The following TG variants were observed in gnomAD, a reference collection of about 807,000 sequenced individuals.
TG encodes thyroid hormones.
TG carries 270 observed loss-of-function variants against 324.7 expected under a neutral mutation model. The ratio of observed to expected loss-of-function variants is 0.83; its 90% CI spans 0.75 to 0.92. The LOEUF (loss-of-function observed/expected upper bound fraction) is 0.92, where lower values mean the gene tolerates loss of function less well. Ranked by LOEUF, TG falls within the 40% of genes least tolerant of loss-of-function variation. The pLI is 0.00. For missense variants in TG, 3,591 were observed against 3,456.4 expected (o/e 1.04, Z -0.98); for synonymous variants, 1,401 against 1,327.0 (o/e 1.06, Z -1.21).
rs1835380126 is a variant in TG at position 133,019,684 on chromosome 8, C to T, written c.6865C>T (p.Pro2289Ser). Residue 2289 changes from proline to serine, a missense_variant, in exon 39 of 48, where the codon CCT (proline) becomes TCT (serine). Coordinates refer to ENST00000220616, the MANE Select transcript of TG (RefSeq NM_003235.5). ...TTGTTTGTATCTCAATGTGTTCATC[C>T]CTCAGAATGTGGTGAGTTCAAAAGC... ...EDCLYLNVFI[P>S]QNVAPNASVL... The T allele has an allele frequency of 1.2e-6, 2 of 1,612,846 alleles. No individual in the cohort carries two copies. Among genetic ancestry groups the T allele is most frequent in the Non-Finnish European group, 8.5e-7 (1 of 1,179,314 alleles).
intron 41 of TG, chr8:133,089,850 T>C (rs1366135596): frequency 6.6e-6 from 1 of 152,168 alleles, no homozygotes; most frequent in Non-Finnish European, 1.5e-5. Context: ...ACCCACCCTG[T>C]TCCTCCCATT....
At chr8:133,115,041 C>T (rs1850563160) in intron 44 of TG, among the ~76,000 whole-genome samples, 1 of 152,190 alleles carries the variant, frequency 6.6e-6, no homozygotes, top group African/African-American at 2.4e-5. Flanking sequence ...CTCAGATGTC[C>T]AGTCCCTGAC....
At chr8:132,961,418 A>G (rs937174947) in intron 28 of TG, among the ~76,000 whole-genome samples, 1 of 152,136 alleles carries the variant, frequency 6.6e-6, no homozygotes, top group African/African-American at 2.4e-5. Flanking sequence ...ACTCAGCCCC[A>G]TGTGCCTTTC....
intron 37 of TG, among the ~76,000 whole-genome samples, chr8:133,016,470 A>G (rs1176186809): frequency 1.3e-5 from 2 of 152,228 alleles, no homozygotes; most frequent in Admixed American, 6.5e-5. Context: ...GAGAACCTCT[A>G]TATGATACAA....
Position 132,932,124 on chromosome 8 carries a change from T to TGG in TG, c.4817-1430_4817-1429dup, listed in dbSNP as rs369218847. Reference sequence around the variant, plus strand: ...ATATTTTAAAACAGAATTATTTTTTTGGGGGGGGTGTTCTGAATAAGCCAC... The same window carrying TGG: ...ATATTTTAAAACAGAATTATTTTTTTGGGGGGGGGGTGTTCTGAATAAGCCAC... On this transcript the variant is annotated intron_variant, in intron 23 of 47. Transcript: ENST00000220616. Among the ~76,000 whole-genome samples the TGG allele has an allele frequency of 3.2e-3, 489 of 150,696 alleles. 4 individuals are homozygous for TGG. The highest frequency in any genetic ancestry group is 0.011 in the African/African-American group (460 of 41,052).
Position 133,113,624 on chromosome 8 carries a change from G to T in TG, c.7754+21G>T, listed in dbSNP as rs762097135. 19 of 1,611,758 alleles carry T rather than the reference G, an allele frequency of 1.2e-5. No homozygotes were observed. The East Asian group carries it at 1.8e-4, about 15-fold the overall frequency. ...ACCCGGTAAGCTAAGCTGCAGGAGG[G>T]TGCAGATTCCTACTGCTATGTTTTG... On this transcript the variant is annotated intron_variant, in intron 44 of 47. Transcript: ENST00000220616.
At chr8:133,109,678 T>C (rs1403432762) in intron 43 of TG, among the ~76,000 whole-genome samples, 1 of 152,106 alleles carries the variant, frequency 6.6e-6, no homozygotes, top group Admixed American at 6.5e-5. Context: ...TCAGGATGGT[T>C]ATGGGAGCAA....
intron 22 of TG, 38 bp downstream of exon 22, chr8:132,923,546 G>C (rs373533845): frequency 6.2e-7 from 1 of 1,602,890 alleles, no homozygotes; most frequent in African/African-American, 1.3e-5. Flanking sequence ...GGTTCCTGGG[G>C]ACTGGGGAGT....
chr8:132,885,206 A>G (rs138229013), intron 8 of TG, among the ~76,000 whole-genome samples: 166 of 152,120 alleles, frequency 1.1e-3, no homozygotes, highest in African/African-American at 3.8e-3. Context: ...ACATCCACCT[A>G]TGTAACTGAG....
At chr8:132,998,438 G>C (rs1470572809) in intron 35 of TG, among the ~76,000 whole-genome samples, 2 of 152,224 alleles carry the variant, frequency 1.3e-5, no homozygotes, top group East Asian at 3.9e-4. Context: ...AGTGTGTTCA[G>C]CTGTGGCCAT....
chr8:132,985,701 C>G (rs1273444665), intron 35 of TG, among the ~76,000 whole-genome samples: 5 of 152,130 alleles, frequency 3.3e-5, no homozygotes, highest in Admixed American at 3.3e-4. Context: ...TCTGCAGCAC[C>G]TGCTTCCTGC....
At chr8:133,094,012 C>G (rs947782152) in intron 41 of TG, among the ~76,000 whole-genome samples, 2 of 152,174 alleles carry the variant, frequency 1.3e-5, no homozygotes, top group African/African-American at 4.8e-5. Context: ...GTATCACCAC[C>G]ACTGCCTCCC....
intron 41 of TG, among the ~76,000 whole-genome samples, chr8:133,054,794 G>A (rs570120087): frequency 1.6e-4 from 25 of 152,282 alleles, no homozygotes; most frequent in East Asian, 9.6e-4. Context: ...AATAGGAAAC[G>A]AATCCACAAA....
chr8:132,995,813 T>C (rs1344239263), intron 35 of TG, among the ~76,000 whole-genome samples: 3 of 152,154 alleles, frequency 2.0e-5, no homozygotes, highest in African/African-American at 7.2e-5. Flanking sequence ...GGAATATAGA[T>C]CCAAGTCTGG....
In TG at chr8:132,913,105, C is replaced by T. The variant is rs1819766359; in HGVS notation, c.4218C>T (p.Gly1406=). The T allele has an allele frequency of 6.2e-7, 1 of 1,614,210 alleles. No individual in the cohort carries two copies. Residue 1406 remains glycine (G), a synonymous_variant, in exon 20 of 48, where the codon GGC becomes GGT. Coordinates refer to ENST00000220616, the MANE Select transcript of TG (RefSeq NM_003235.5). ...GCTTCACAGATCTGATCCAGAGTGG[C>T]TCATTCCAGCTTCATCTGGACTCCA... ...LGRFTDLIQS[G]SFQLHLDSKT... is the part of the protein sequence containing the mutation.
intron 14 of TG, 47 bp downstream of exon 14, chr8:132,898,957 G>A (rs1438350383): frequency 1.3e-6 from 2 of 1,483,640 alleles, no homozygotes; most frequent in East Asian, 4.7e-5. Flanking sequence ...TGTCCCCGCT[G>A]GTCAGAGATG....
intron 25 of TG, among the ~76,000 whole-genome samples, chr8:132,936,579 C>T (rs969866397): frequency 3.3e-5 from 5 of 152,214 alleles, no homozygotes; most frequent in African/African-American, 1.2e-4. Context: ...ATTTCACACT[C>T]ATGGAAACTC....
intron 8 of TG, chr8:132,883,387 G>C (rs563222726): frequency 4.1e-6 from 1 of 245,110 alleles, no homozygotes; most frequent in East Asian, 1.0e-4. Flanking sequence ...GGCCATACTT[G>C]ATCAGAATCT....
chr8:132,983,348 A>C lies in TG; in HGVS notation c.6200-2A>C, dbSNP rs1587678050. ...ACTGAAAGACTGCTTTTTCCTTTTCAGTTGCTCAAAATAATGCTCCCAGTT... is the reference window on the plus strand; with the variant it reads ...ACTGAAAGACTGCTTTTTCCTTTTCCGTTGCTCAAAATAATGCTCCCAGTT... On this transcript the variant is annotated splice_acceptor_variant, in intron 34 of 47. Transcript: ENST00000220616. LOFTEE classifies it high-confidence loss of function. 1.2e-6 allele frequency: 2 copies of C among 1,614,090 alleles called. No individual in the cohort carries two copies. Among genetic ancestry groups the C allele is most frequent in the Non-Finnish European group, 1.7e-6 (2 of 1,179,982 alleles).
Sources: allele counts gnomAD v4.1 joint callset (sites outside exome capture counted in the v4.1 genomes callset), GRCh38; gene constraint gnomAD v4.1.1; transcripts MANE v1.5; gene names NCBI Gene and HGNC (gene_info 2026-07-23, HGNC 2026-07-21).